PDE6C: variants seen among roughly 807,000 people sequenced by gnomAD.
PDE6C encodes the protein phosphodiesterase 6C.
PDE6C carries 75 observed loss-of-function variants against 113.1 expected under a neutral mutation model. The ratio of observed to expected loss-of-function variants is 0.66; its 90% CI spans 0.55 to 0.80. PDE6C has a LOEUF of 0.80. PDE6C is among the 30% of genes least tolerant of loss of function. The probability of loss-of-function intolerance (pLI) is 0.00; values close to 1 mark genes in which losing one functional copy is unlikely to be tolerated. For missense variants in PDE6C, 912 were observed against 1,038.6 expected (o/e 0.88, Z 1.67); for synonymous variants, 375 against 363.7 (o/e 1.03, Z -0.35).
At chr10:93,620,526 A>T in intron 1 of PDE6C, 106 bp from the exon 2 acceptor site, 1 of 1,149,788 alleles carries the variant, frequency 8.7e-7, no homozygotes, top group Non-Finnish European at 1.3e-6. Context: ...AGCCCTGGTT[A>T]TCTGTTGGTA....
At chr10:93,641,090 G>A in intron 14 of PDE6C, 61 bp downstream of exon 14, 1 of 999,134 alleles carries the variant, frequency 1.0e-6, no homozygotes, top group Non-Finnish European at 1.6e-6. Context: ...TACTTAGGGT[G>A]AGAAAAACGC....
chr10:93,649,376 A>G (rs1353990702), intron 15 of PDE6C, among the ~76,000 whole-genome samples: 1 of 152,220 alleles, frequency 6.6e-6, no homozygotes, highest in Middle Eastern at 3.2e-3. Flanking sequence ...AATTCAAACG[A>G]TAGGAAAACA....
chr10:93,622,229 G>T (rs1297211156), intron 4 of PDE6C, among the ~76,000 whole-genome samples, 157 bp downstream of exon 4: 1 of 151,794 alleles, frequency 6.6e-6, no homozygotes, highest in Non-Finnish European at 1.5e-5. Flanking sequence ...GAGCAAAAAA[G>T]ATGTAGGCTT....
chr10:93,628,779 T>G (rs986138081), intron 7 of PDE6C, among the ~76,000 whole-genome samples: 2 of 152,160 alleles, frequency 1.3e-5, no homozygotes, highest in African/African-American at 2.4e-5. Flanking sequence ...TAAAGTGATA[T>G]CTCTCACTGA....
intron 18 of PDE6C, among the ~76,000 whole-genome samples, chr10:93,659,621 T>G (rs1485492758): frequency 6.6e-6 from 1 of 152,140 alleles, no homozygotes; most frequent in Non-Finnish European, 1.5e-5. Context: ...AGAGAGCGTG[T>G]GCAGGGGAAC....
intron 14 of PDE6C, among the ~76,000 whole-genome samples, 155 bp downstream of exon 14, chr10:93,641,184 G>A (rs188337739): frequency 5.3e-5 from 8 of 152,202 alleles, no homozygotes; most frequent in Admixed American, 1.3e-4. Flanking sequence ...CCAAGCTTCC[G>A]CCTTCACGAT....
chr10:93,659,149 C>G lies in PDE6C; in HGVS notation c.2190C>G (p.Pro730=), dbSNP rs200939953. ...TACDLSAITK[P]WEVQSQVALM... Reference sequence around the variant, plus strand: ...GTGACTTGTCTGCTATTACCAAGCCCTGGGAGGTGCAAAGTCAGGTGAGTC... The same window carrying G: ...GTGACTTGTCTGCTATTACCAAGCCGTGGGAGGTGCAAAGTCAGGTGAGTC... The change falls in exon 18 of 22, where the codon CCC becomes CCG. Residue 730 remains proline (P), a synonymous_variant. Coordinates refer to ENST00000371447, the MANE Select transcript of PDE6C (RefSeq NM_006204.4). 52 of 1,610,758 alleles carry G rather than the reference C, an allele frequency of 3.2e-5. No homozygotes were observed. In the East Asian group the frequency reaches 1.2e-3, roughly 36 times the overall value.
chr10:93,619,862 T>C (rs2058437052), intron 1 of PDE6C, among the ~76,000 whole-genome samples: 1 of 152,132 alleles, frequency 6.6e-6, no homozygotes, highest in South Asian at 2.1e-4. Context: ...GCAGTATTGT[T>C]GGTAGTGGGG....
At chr10:93,651,044 C>T (rs994443587) in intron 15 of PDE6C, among the ~76,000 whole-genome samples, 2 of 152,158 alleles carry the variant, frequency 1.3e-5, no homozygotes, top group African/African-American at 4.8e-5. Flanking sequence ...AACACACATA[C>T]ACAAACTTGT....
intron 6 of PDE6C, 24 bp from the exon 7 acceptor site, chr10:93,626,781 A>G: frequency 1.2e-6 from 2 of 1,611,950 alleles, no homozygotes; most frequent in South Asian, 1.1e-5. Context: ...TATTGCAATG[A>G]TTTTTTTTCT....
At position 93,612,592 on chromosome 10, in the gene PDE6C, G is replaced by A; in HGVS notation, c.-134G>A. ...AAGCTCTGCTTTCTGCTTGACCTTT[G>A]GAAGTCCTATGAGGGACCATTTACG... is the stretch of plus-strand genomic sequence containing the variant. On this transcript the variant is annotated 5_prime_UTR_variant, in exon 1 of 22. Transcript: ENST00000371447. 8.3e-7 allele frequency: 1 copy of A among 1,209,820 alleles called. No homozygotes were observed. The allele number at this position is 1,209,820 out of a possible 1,614,324, so 74.9% of individuals were successfully genotyped here.
At chr10:93,662,288 C>A (rs10882296) in intron 19 of PDE6C, among the ~76,000 whole-genome samples, 155 bp downstream of exon 19, 58,577 of 151,624 alleles carry the variant, frequency 0.39, 13,701 homozygotes, top group Non-Finnish European at 0.51. Context: ...CATGGTGTAA[C>A]CCCGTTTCTA....
chr10:93,659,574 G>A (rs1308956477), intron 18 of PDE6C, among the ~76,000 whole-genome samples: 1 of 152,144 alleles, frequency 6.6e-6, no homozygotes, highest in Non-Finnish European at 1.5e-5. Flanking sequence ...GAAGATGAAG[G>A]AAGAGCAAAG....
intron 15 of PDE6C, among the ~76,000 whole-genome samples, chr10:93,648,429 A>T (rs1178541047): frequency 6.6e-6 from 1 of 152,204 alleles, no homozygotes; most frequent in Non-Finnish European, 1.5e-5. Flanking sequence ...GTTACCTATC[A>T]GATATTCTTT....
At position 93,649,700 on chromosome 10, in the gene PDE6C, G is replaced by A. The variant is rs967606972; in HGVS notation, c.1935+3653G>A. On this transcript the variant is annotated intron_variant, in intron 15 of 21. Transcript: ENST00000371447. The stretch of plus-strand genomic sequence containing the variant: ...ACTCACTGCAACCTCCGCCTCCTGG[G>A]TTCAAGAGATTCTCACACCTCAGCC... Among the ~76,000 whole-genome samples, 3 of 152,302 alleles carry A rather than the reference G, an allele frequency of 2.0e-5. No homozygotes were observed. The South Asian group carries it at 6.2e-4, about 32-fold the overall frequency.
At chr10:93,627,870 C>T (rs548040655) in intron 7 of PDE6C, among the ~76,000 whole-genome samples, 1 of 152,284 alleles carries the variant, frequency 6.6e-6, no homozygotes, top group Admixed American at 6.5e-5. Context: ...CTCGCATTTT[C>T]TGTGTAAGAG....
At chr10:93,619,260 T>G (rs1443782464) in intron 1 of PDE6C, among the ~76,000 whole-genome samples, 1 of 152,078 alleles carries the variant, frequency 6.6e-6, no homozygotes, top group African/African-American at 2.4e-5. Flanking sequence ...GGTCTGAATC[T>G]GGGAAGATCC....
At chr10:93,622,143 C>A in intron 4 of PDE6C, 71 bp downstream of exon 4, 1 of 1,376,798 alleles carries the variant, frequency 7.3e-7, no homozygotes, top group Non-Finnish European at 1.0e-6. Flanking sequence ...GAAATGTGAT[C>A]CTTAAAAAAC....
intron 4 of PDE6C, among the ~76,000 whole-genome samples, chr10:93,622,294 T>A (rs1310644236): frequency 3.3e-5 from 5 of 151,968 alleles, no homozygotes; most frequent in Non-Finnish European, 7.4e-5. Context: ...GTCTGTTTTT[T>A]TTTTACATTA....
Sources: allele counts gnomAD v4.1 joint callset (sites outside exome capture counted in the v4.1 genomes callset), GRCh38; gene constraint gnomAD v4.1.1; transcripts MANE v1.5; gene names NCBI Gene and HGNC (gene_info 2026-07-23, HGNC 2026-07-21).